Variants in ZNF804A observed in about 807,000 individuals in gnomAD.
ZNF804A encodes the protein zinc finger protein 804A.
In ZNF804A, 2 loss-of-function variants were observed where a neutral mutation model predicts 16.5. The ratio of observed to expected loss-of-function variants is 0.12; its 90% CI spans 0.05 to 0.38. The LOEUF (loss-of-function observed/expected upper bound fraction) is 0.38. Among genes scored for constraint, ZNF804A ranks in the 10% least tolerant of loss-of-function variants. The probability of loss-of-function intolerance (pLI) is 0.99; values close to 1 mark genes in which losing one functional copy is unlikely to be tolerated. For synonymous variants in ZNF804A, 534 were observed against 489.6 expected (o/e 1.09, Z -1.20); for missense variants, 1,473 against 1,390.7 (o/e 1.06, Z -0.94).
chr2:184,741,802 C>T (rs994133095), intron 1 of ZNF804A, among the ~76,000 whole-genome samples: 9 of 152,034 alleles, frequency 5.9e-5, no homozygotes, highest in African/African-American at 2.2e-4. Context: ...TTATCATAGG[C>T]TTTCCATTGT....
intron 1 of ZNF804A, among the ~76,000 whole-genome samples, chr2:184,622,701 A>G (rs1559110692): frequency 6.6e-6 from 1 of 151,972 alleles, no homozygotes; most frequent in Non-Finnish European, 1.5e-5. Flanking sequence ...CAATACAACA[A>G]CATTGAAAAA....
chr2:184,737,284 A>G (rs1409923498), intron 1 of ZNF804A, among the ~76,000 whole-genome samples: 4 of 151,610 alleles, frequency 2.6e-5, no homozygotes, highest in East Asian at 3.9e-4. Flanking sequence ...GGTGGCCTCT[A>G]TCTCCTGACC....
chr2:184,777,112 C>T (rs1013642727), intron 1 of ZNF804A, among the ~76,000 whole-genome samples: 4 of 151,334 alleles, frequency 2.6e-5, no homozygotes, highest in South Asian at 2.1e-4. Flanking sequence ...TTGTTTTTGT[C>T]CCAATTGTAG....
rs546722870 is a variant in ZNF804A, at chr2:184,848,970, T to A, written c.112-17399T>A. On this transcript the variant is annotated intron_variant, in intron 1 of 3. Transcript: ENST00000302277. ...TGTAGATAATTTATTTGAGAAGTGA[T>A]CCCAGAAAGCAGAAATGGAGTTCTA... Among the ~76,000 whole-genome samples, 3 of 151,646 alleles carry A rather than the reference T, an allele frequency of 2.0e-5. No individual in the cohort carries two copies. The South Asian group carries it at 6.2e-4, about 32-fold the overall frequency.
At chr2:184,708,320 A>T (rs915663047) in intron 1 of ZNF804A, among the ~76,000 whole-genome samples, 1 of 152,146 alleles carries the variant, frequency 6.6e-6, no homozygotes, top group Admixed American at 6.6e-5. Flanking sequence ...TTAGGACAAA[A>T]AAAGAGCCTG....
chr2:184,817,335 A>G (rs745653708), intron 1 of ZNF804A, among the ~76,000 whole-genome samples: 3 of 151,944 alleles, frequency 2.0e-5, no homozygotes, highest in Non-Finnish European at 2.9e-5. Context: ...TGTTAAAATA[A>G]AAATAAACAA....
At position 184,779,288 on chromosome 2, in the gene ZNF804A, A is replaced by G. The variant is rs1463575707; in HGVS notation, c.112-87081A>G. On this transcript the variant is annotated intron_variant, in intron 1 of 3. Coordinates refer to ENST00000302277, the MANE Select transcript of ZNF804A (RefSeq NM_194250.2). ...TGAGCCATACACCACTTGTACTTTCATTCTTTGTTTGTTGTTATGTTTTGT... is the reference window on the plus strand; with the variant it reads ...TGAGCCATACACCACTTGTACTTTCGTTCTTTGTTTGTTGTTATGTTTTGT... Among the ~76,000 whole-genome samples the G allele has an allele frequency of 2.6e-5, 4 of 151,602 alleles. No individual in the cohort carries two copies. The Admixed American group carries it at 2.6e-4, about 10-fold the overall frequency.
intron 1 of ZNF804A, among the ~76,000 whole-genome samples, chr2:184,778,047 G>A (rs1034051755): frequency 6.6e-6 from 1 of 151,572 alleles, no homozygotes; most frequent in Non-Finnish European, 1.5e-5. Flanking sequence ...TTCCCCTGCA[G>A]TTTAGAAGAT....
intron 1 of ZNF804A, among the ~76,000 whole-genome samples, chr2:184,745,176 G>A (rs2105755055): frequency 6.6e-6 from 1 of 151,810 alleles, no homozygotes; most frequent in Non-Finnish European, 1.5e-5. Context: ...TATGCACAAT[G>A]CCCAGTATTT....
At chr2:184,772,842 G>A (rs1694236218) in intron 1 of ZNF804A, among the ~76,000 whole-genome samples, 1 of 150,824 alleles carries the variant, frequency 6.6e-6, no homozygotes, top group Admixed American at 6.6e-5. Flanking sequence ...CCTAGTGGAT[G>A]TGACATGGTA....
chr2:184,605,781 A>G (rs568663706), intron 1 of ZNF804A, among the ~76,000 whole-genome samples: 1 of 152,276 alleles, frequency 6.6e-6, no homozygotes, highest in East Asian at 1.9e-4. Flanking sequence ...TTCCCCATGG[A>G]TATGCAGAGA....
intron 1 of ZNF804A, among the ~76,000 whole-genome samples, chr2:184,766,836 T>C (rs568291141): frequency 1.3e-5 from 2 of 152,208 alleles, no homozygotes; most frequent in African/African-American, 4.8e-5. Context: ...CTGTGTCCCA[T>C]GCAAAATTTG....
rs377370498 is a variant in ZNF804A at position 184,932,274 on chromosome 2, G to A, written c.256-1329G>A. On this transcript the variant is annotated intron_variant, in intron 2 of 3. Coordinates refer to ENST00000302277, the MANE Select transcript of ZNF804A (RefSeq NM_194250.2). ...TACCCAGCACCAATTTACCATATTA[G>A]TTCTCATGCTGCCAGTAAAGACACA... is the stretch of plus-strand genomic sequence containing the variant. Among the ~76,000 whole-genome samples the A allele has an allele frequency of 7.5e-4, 114 of 152,164 alleles. 1 individual carries two copies. The Middle Eastern group carries it at 0.041, about 54-fold the overall frequency.
chr2:184,671,453 T>C (rs1371086126), intron 1 of ZNF804A, among the ~76,000 whole-genome samples: 2 of 152,168 alleles, frequency 1.3e-5, no homozygotes, highest in Non-Finnish European at 1.5e-5. Context: ...TCCCTGCAGG[T>C]AGATTGGCTT....
intron 1 of ZNF804A, among the ~76,000 whole-genome samples, chr2:184,812,007 T>A (rs1449353242): frequency 6.6e-6 from 1 of 152,198 alleles, no homozygotes; most frequent in African/African-American, 2.4e-5. Context: ...CTTATTGTAG[T>A]TTGAGTTGTA....
intron 2 of ZNF804A, among the ~76,000 whole-genome samples, chr2:184,891,754 A>G (rs1232043737): frequency 6.6e-6 from 1 of 152,166 alleles, no homozygotes; most frequent in Non-Finnish European, 1.5e-5. Context: ...TATACCTAAC[A>G]ATCGACAAAG....
intron 1 of ZNF804A, among the ~76,000 whole-genome samples, chr2:184,682,945 C>G (rs1274369720): frequency 6.6e-6 from 1 of 152,162 alleles, no homozygotes; most frequent in African/African-American, 2.4e-5. Context: ...AAAGTCAAGG[C>G]TGCAGTGAGC....
chr2:184,693,045 A>G (rs1026450107), intron 1 of ZNF804A, among the ~76,000 whole-genome samples: 9 of 152,176 alleles, frequency 5.9e-5, no homozygotes, highest in African/African-American at 2.2e-4. Context: ...TTGTGATACT[A>G]CAAATATAAG....
At chr2:184,675,650 A>G (rs994067432) in intron 1 of ZNF804A, among the ~76,000 whole-genome samples, 3 of 151,756 alleles carry the variant, frequency 2.0e-5, no homozygotes, top group Non-Finnish European at 4.4e-5. Flanking sequence ...ACGCTATTAA[A>G]TAGATACTTT....
Sources: allele counts gnomAD v4.1 joint callset (sites outside exome capture counted in the v4.1 genomes callset), GRCh38; gene constraint gnomAD v4.1.1; transcripts MANE v1.5; gene names NCBI Gene and HGNC (gene_info 2026-07-23, HGNC 2026-07-21).